Variants in ESR2 observed in about 807,000 individuals in gnomAD.
ESR2 encodes the protein estrogen receptor 2, also known as estrogen receptor beta.
In ESR2, 36 loss-of-function variants were observed where a neutral mutation model predicts 49.6. The ratio of observed to expected loss-of-function variants is 0.73; its 90% CI spans 0.56 to 0.96. The LOEUF is 0.96. Among genes scored for constraint, ESR2 ranks in the 40% least tolerant of loss-of-function variants. The pLI, the probability that ESR2 is intolerant of heterozygous loss-of-function variation, is 0.00. For missense variants in ESR2, 714 were observed against 693.0 expected (o/e 1.03, Z -0.34); for synonymous variants, 320 against 266.1 (o/e 1.20, Z -1.97).
chr14:64,254,115 A>G (rs868237876), intron 6 of ESR2, among the ~76,000 whole-genome samples: 1 of 152,352 alleles, frequency 6.6e-6, no homozygotes, highest in South Asian at 2.1e-4. Flanking sequence ...CAACAAGAAT[A>G]AAGGGAAACA....
At chr14:64,279,936 A>C (rs1314325533) in intron 3 of ESR2, 45 bp downstream of exon 3, 128 of 1,551,670 alleles carry the variant, frequency 8.2e-5, no homozygotes, top group Non-Finnish European at 1.1e-4. Context: ...ATTGTTTGAA[A>C]TCAAAAGTAG....
At chr14:64,325,673 C>T (rs985485464) in intron 1 of ESR2, among the ~76,000 whole-genome samples, 6 of 152,124 alleles carry the variant, frequency 3.9e-5, no homozygotes, top group Admixed American at 3.3e-4. Context: ...ACTTCTGCTA[C>T]CCCGGAGACA....
intron 6 of ESR2, among the ~76,000 whole-genome samples, chr14:64,253,808 A>G (rs1357003541): frequency 6.6e-6 from 1 of 152,152 alleles, no homozygotes; most frequent in Non-Finnish European, 1.5e-5. Context: ...TTATACATAT[A>G]CAATTCCACG....
chr14:64,248,372 G>T (rs1478955383), intron 7 of ESR2, among the ~76,000 whole-genome samples: 1 of 151,778 alleles, frequency 6.6e-6, no homozygotes, highest in Non-Finnish European at 1.5e-5. Context: ...AACCAGGTCT[G>T]GTGGTATGCA....
chr14:64,310,286 A>AAATAATAATAAT (rs140862502), intron 1 of ESR2, among the ~76,000 whole-genome samples: 2,153 of 142,440 alleles, frequency 0.015, 39 homozygotes, highest in African/African-American at 0.037. Flanking sequence ...TCGTCTCAAA[A>AAATAATAATAAT]AATAATAATA....
intron 1 of ESR2, chr14:64,329,535 C>T (rs113199824): frequency 3.9e-5 from 6 of 152,112 alleles, no homozygotes; most frequent in Admixed American, 6.5e-5. Flanking sequence ...GTAATCTCAG[C>T]ACTTTGGGAG....
chr14:64,234,524 C>T (rs915480919), intron 8 of ESR2: 3 of 186,358 alleles, frequency 1.6e-5, no homozygotes, highest in Non-Finnish European at 3.3e-5. Context: ...CTGATGCCAC[C>T]GAAAGAACAA....
At position 64,289,562 on chromosome 14, in the gene ESR2, A is replaced by G. The variant is rs114512871; in HGVS notation, c.-91+4471T>C. On this transcript the variant is annotated intron_variant, in intron 1 of 8. Transcript: ENST00000341099. ...GAAAAAAAAAAAGAAAGCATTCTGTAAGGTATTATTACACATCCAAGAAGA... is the reference window on the plus strand; with the variant it reads ...GAAAAAAAAAAAGAAAGCATTCTGTGAGGTATTATTACACATCCAAGAAGA... 3.2e-3 allele frequency among the ~76,000 whole-genome samples: 488 copies of G among 152,260 alleles called. 1 individual carries two copies. Among genetic ancestry groups the G allele is most frequent in the African/African-American group, 0.011 (467 of 41,554 alleles).
In ESR2 at chr14:64,230,081, G is replaced by A. The variant is rs966152190; in HGVS notation, c.*3056C>T. 2.0e-5 allele frequency among the ~76,000 whole-genome samples: 3 copies of A among 151,902 alleles called. No homozygotes were observed. The highest frequency in any genetic ancestry group is 7.3e-5 in the African/African-American group (3 of 41,346). On this transcript the variant is annotated 3_prime_UTR_variant, in exon 9 of 9. Transcript: ENST00000341099. ...CAGCTACTCGGCGAGGGCGGGAATGGGGTGGGATGGGGCACTGTGGTGGGA... is the reference window on the plus strand; with the variant it reads ...CAGCTACTCGGCGAGGGCGGGAATGAGGTGGGATGGGGCACTGTGGTGGGA...
chr14:64,265,396 T>C (rs2076308517), intron 4 of ESR2, among the ~76,000 whole-genome samples: 1 of 152,164 alleles, frequency 6.6e-6, no homozygotes, highest in South Asian at 2.1e-4. Context: ...CTGTCTCCAA[T>C]GTACAGAAGA....
chr14:64,293,587 G>A (rs747855425), intron 1 of ESR2, among the ~76,000 whole-genome samples: 1 of 152,206 alleles, frequency 6.6e-6, no homozygotes, highest in Non-Finnish European at 1.5e-5. Context: ...GGTCTGCCCA[G>A]GAAAGGAGGA....
chr14:64,315,376 C>G, intron 1 of ESR2, among the ~76,000 whole-genome samples: 1 of 151,864 alleles, frequency 6.6e-6, no homozygotes, highest in Non-Finnish European at 1.5e-5. Context: ...CAACTCTACA[C>G]ACATAAACTG....
Position 64,260,686 on chromosome 14 carries a change from G to T in ESR2, c.715C>A (p.Leu239Met). 6 of 1,554,608 alleles carry T rather than the reference G, an allele frequency of 3.9e-6. No homozygotes were observed. The Admixed American group carries it at 7.6e-5, about 20-fold the overall frequency. ...VRRQRSADEQ[L>M]HCAGKAKRSG... ...CTCTTGGCCTTGCCGGCACAGTGCAGCTGCTCGTCGGCACTTCTCTGTCTC... is the reference window on the plus strand; with the variant it reads ...CTCTTGGCCTTGCCGGCACAGTGCATCTGCTCGTCGGCACTTCTCTGTCTC... The change falls in exon 5 of 9, where the codon CTG (leucine) becomes ATG (methionine). Residue 239 changes from leucine to methionine, a missense_variant. Transcript: ENST00000341099.
At chr14:64,301,684 G>A (rs2077022821) in intron 1 of ESR2, 1 of 152,152 alleles carries the variant, frequency 6.6e-6, no homozygotes, top group African/African-American at 2.4e-5. Context: ...TGGGCCTAGG[G>A]TGGGTTTTCA....
chr14:64,331,564 C>T lies in ESR2; in HGVS notation c.-91+6334G>A, dbSNP rs902201193. Among the ~76,000 whole-genome samples, 4 of 152,116 alleles carry T rather than the reference C, an allele frequency of 2.6e-5. No homozygotes were observed. In the East Asian group the frequency reaches 5.8e-4, roughly 22 times the overall value. On this transcript the variant is annotated intron_variant, in intron 1 of 8. Transcript: ENST00000358599. ...CTTTGGGGCCGGGCCCAGTGGCTCA[C>T]GCTGGTAATCCCAGCACTTTCGGAG... is the stretch of plus-strand genomic sequence containing the variant.
At chr14:64,246,097 C>T (rs1376387249) in intron 7 of ESR2, among the ~76,000 whole-genome samples, 1 of 152,214 alleles carries the variant, frequency 6.6e-6, no homozygotes, top group Non-Finnish European at 1.5e-5. Flanking sequence ...AATCACGGCA[C>T]TTTGGGAGGC....
chr14:64,267,537 G>C (rs1289219905), intron 4 of ESR2, among the ~76,000 whole-genome samples: 6 of 152,016 alleles, frequency 3.9e-5, no homozygotes, highest in Non-Finnish European at 8.8e-5. Flanking sequence ...CATACACAGA[G>C]AAAAGAAAAG....
intron 6 of ESR2, among the ~76,000 whole-genome samples, chr14:64,254,443 G>A (rs957241652): frequency 3.9e-5 from 6 of 152,014 alleles, no homozygotes; most frequent in African/African-American, 1.4e-4. Context: ...AAGTTAATGT[G>A]TTAAAAATAC....
chr14:64,333,473 T>G (rs958215144), intron 1 of ESR2, among the ~76,000 whole-genome samples: 4 of 152,188 alleles, frequency 2.6e-5, no homozygotes, highest in Non-Finnish European at 5.9e-5. Context: ...ACTTTTGCAA[T>G]GAAATTTCTT....
Sources: allele counts gnomAD v4.1 joint callset (sites outside exome capture counted in the v4.1 genomes callset), GRCh38; gene constraint gnomAD v4.1.1; transcripts MANE v1.5; gene names NCBI Gene and HGNC (gene_info 2026-07-23, HGNC 2026-07-21).